Variants in RNASE3 observed in about 807,000 individuals in gnomAD.
The protein encoded by RNASE3 is ribonuclease A family member 3, also known as eosinophil cationic protein.
For synonymous variants in RNASE3, 66 were observed against 72.0 expected (o/e 0.92, Z 0.42); for missense variants, 192 against 205.3 (o/e 0.94, Z 0.40).
chr14:20,891,956 T>TC lies in RNASE3; in HGVS notation c.271dup (p.His91ProfsTer2), dbSNP rs1566402351. ...GTGGTAACCAAAGTATACGCTGCCCTCATAACAGAACTCTCAACAATTGTC... is the reference window on the plus strand; with the variant it reads ...GTGGTAACCAAAGTATACGCTGCCCTCCATAACAGAACTCTCAACAATTGTC... On this transcript the variant is annotated frameshift_variant, in exon 2 of 2. Transcript: ENST00000304639. LOFTEE classifies it low-confidence loss of function (END_TRUNC). 1 of 1,613,050 alleles carries TC rather than the reference T, an allele frequency of 6.2e-7. No homozygotes were observed. The highest frequency in any genetic ancestry group is 8.5e-7 in the Non-Finnish European group (1 of 1,180,038).
rs1372368245 is a variant in RNASE3, at chr14:20,891,694, C to T, written c.8C>T (p.Pro3Leu). The part of the protein sequence containing the change: MV[P>L]KLFTSQICLL... The stretch of plus-strand genomic sequence containing the variant: ...TCTTTTCTTACAGGAAACATGGTTC[C>T]AAAACTGTTCACTTCCCAAATTTGT... The change falls in exon 2 of 2, where the codon CCA (proline) becomes CTA (leucine). Residue 3 changes from proline to leucine, a missense_variant. Transcript: ENST00000304639. 1.2e-6 allele frequency: 2 copies of T among 1,610,096 alleles called. No homozygotes were observed. The highest frequency in any genetic ancestry group is 1.7e-6 in the Non-Finnish European group (2 of 1,179,396).
At position 20,892,104 on chromosome 14, in the gene RNASE3, A is replaced by T. The variant is rs761591198; in HGVS notation, c.418A>T (p.Asn140Tyr). The change falls in exon 2 of 2, where the codon AAC becomes TAC. Residue 140 changes from asparagine (N) to tyrosine (Y), a missense_variant. Physicochemically the swap from Asn to Tyr is moderately radical, Grantham distance 143 (BLOSUM62 -2). Transcript: ENST00000304639. Reference protein sequence around the residue: ...GRRFYVVACDNRDPRDSPRYP... With the variant: ...GRRFYVVACDYRDPRDSPRYP... ...GAGGTTCTATGTAGTTGCATGTGAC[A>T]ACAGAGATCCACGGGATTCTCCACG... 6.2e-7 allele frequency: 1 copy of T among 1,612,484 alleles called. No individual in the cohort carries two copies. Among genetic ancestry groups the T allele is most frequent in the Non-Finnish European group, 8.5e-7 (1 of 1,179,928 alleles).
At position 20,891,645 on chromosome 14, in the gene RNASE3, G is replaced by A. The variant is rs558397403; in HGVS notation, c.-5-37G>A. 157 of 1,579,180 alleles carry A rather than the reference G, an allele frequency of 9.9e-5. 1 individual carries two copies. Among genetic ancestry groups the A allele is most frequent in the Non-Finnish European group, 1.3e-4 (146 of 1,165,770 alleles). On this transcript the variant is annotated intron_variant, in intron 1 of 1. Coordinates refer to ENST00000304639, the MANE Select transcript of RNASE3 (RefSeq NM_002935.3). Reference sequence around the variant, plus strand: ...TATAGAGTGTGTCATAACCGAGACCGGATCGGGGAGTAGTTACTTCTCTTC... The same window carrying A: ...TATAGAGTGTGTCATAACCGAGACCAGATCGGGGAGTAGTTACTTCTCTTC...
Position 20,891,996 on chromosome 14 carries a change from C to T in RNASE3, c.310C>T (p.Arg104Trp), listed in dbSNP as rs768479364. The change falls in exon 2 of 2, where the codon CGG (arginine) becomes TGG (tryptophan). Residue 104 changes from arginine to tryptophan, a missense_variant. Physicochemically the swap from Arg to Trp is moderately radical, Grantham distance 101. Coordinates refer to ENST00000304639, the MANE Select transcript of RNASE3 (RefSeq NM_002935.3). ...CAACAATTGTCATCGGAGTAGATTC[C>T]GGGTGCCTTTACTCCACTGTGACCT... ...TLNNCHRSRF[R>W]VPLLHCDLIN... 2.4e-5 allele frequency: 39 copies of T among 1,612,784 alleles called. 2 individuals are homozygous for T. The East Asian group carries it at 3.8e-4, about 16-fold the overall frequency.
chr14:20,892,125 C>A lies in RNASE3; in HGVS notation c.439C>A (p.Pro147Thr). The change falls in exon 2 of 2, where the codon CCA becomes ACA. Residue 147 changes from proline (P) to threonine (T), a missense_variant. Pro to Thr is a conservative substitution (Grantham distance 38). Coordinates refer to ENST00000304639, the MANE Select transcript of RNASE3 (RefSeq NM_002935.3). ...ACDNRDPRDS[P>T]RYPVVPVHLD... ...TGACAACAGAGATCCACGGGATTCT[C>A]CACGGTATCCTGTGGTTCCAGTTCA... The A allele has an allele frequency of 1.2e-6, 2 of 1,612,440 alleles. No homozygotes were observed. The highest frequency in any genetic ancestry group is 1.7e-6 in the Non-Finnish European group (2 of 1,179,934).
Position 20,891,870 on chromosome 14 carries a change from T to C in RNASE3, c.184T>C (p.Trp62Arg), listed in dbSNP as rs369058042. 3 of 1,612,828 alleles carry C rather than the reference T, an allele frequency of 1.9e-6. No individual in the cohort carries two copies. The highest frequency in any genetic ancestry group is 2.7e-5 in the African/African-American group (2 of 73,742). ...IAMRAINNYR[W>R]RCKNQNTFLR... ...AATGCGGGCAATTAACAATTATCGA[T>C]GGCGTTGCAAAAACCAAAATACTTT... The change falls in exon 2 of 2, where the codon TGG (tryptophan) becomes CGG (arginine). Residue 62 changes from tryptophan to arginine, a missense_variant. By Grantham distance (101) the Trp-to-Arg change is moderately radical. Coordinates refer to ENST00000304639, the MANE Select transcript of RNASE3 (RefSeq NM_002935.3).
rs766754949 is a variant in RNASE3, at chr14:20,892,019, C to T, written c.333C>T (p.Asp111=). ...SRFRVPLLHC[D]LINPGAQNIS... ...TCCGGGTGCCTTTACTCCACTGTGA[C>T]CTCATAAATCCAGGTGCACAGAATA... is the stretch of plus-strand genomic sequence containing the variant. The change falls in exon 2 of 2, where the codon GAC becomes GAT. Residue 111 remains aspartate, a synonymous_variant. Transcript: ENST00000304639. 1 of 1,612,654 alleles carries T rather than the reference C, an allele frequency of 6.2e-7. No individual in the cohort carries two copies. The highest frequency in any genetic ancestry group is 8.5e-7 in the Non-Finnish European group (1 of 1,179,872).
rs182418195 is a variant in RNASE3, at chr14:20,892,198, C to T, written c.*29C>T. Reference sequence around the variant, plus strand: ...CCTGTATCAGCAGTCCTCATCATCACTCATCTGCCAAGCTCCTCAATCATA... The same window carrying T: ...CCTGTATCAGCAGTCCTCATCATCATTCATCTGCCAAGCTCCTCAATCATA... On this transcript the variant is annotated 3_prime_UTR_variant, in exon 2 of 2. Coordinates refer to ENST00000304639, the MANE Select transcript of RNASE3 (RefSeq NM_002935.3). The T allele has an allele frequency of 8.7e-5, 138 of 1,584,430 alleles. 1 individual carries two copies. The highest frequency in any genetic ancestry group is 1.1e-4 in the Non-Finnish European group (128 of 1,166,926).
At position 20,891,450 on chromosome 14, in the gene RNASE3, G is replaced by A. The variant is rs1227067129; in HGVS notation, c.-7G>A. 5 of 575,268 alleles carry A rather than the reference G, an allele frequency of 8.7e-6. 1 individual carries two copies. In the African/African-American group the frequency reaches 9.7e-5, roughly 11 times the overall value. 35.6% of individuals were successfully genotyped at this position (575,268 alleles called of 1,614,324 possible). On this transcript the variant is annotated splice_region_variant and 5_prime_UTR_variant, in exon 1 of 2. Coordinates refer to ENST00000304639, the MANE Select transcript of RNASE3 (RefSeq NM_002935.3). ...TCACAGGAGCCACAGCTCAGAGACT[G>A]GGTAAGTCAACAATCCCCAGAGCTG...
intron 1 of RNASE3, 84 bp downstream of exon 1, chr14:20,891,535 T>C: frequency 1.9e-6 from 2 of 1,069,428 alleles, no homozygotes; most frequent in Non-Finnish European, 2.7e-6. Context: ...AGTTAGTGCT[T>C]AGGAGATGTG....
rs759420664 is a variant in RNASE3 at position 20,892,220 on chromosome 14, C to G, written c.*51C>G. ...TCACTCATCTGCCAAGCTCCTCAATCATAGCCAAGATCCCATCCCTCCATG... is the reference window on the plus strand; with the variant it reads ...TCACTCATCTGCCAAGCTCCTCAATGATAGCCAAGATCCCATCCCTCCATG... On this transcript the variant is annotated 3_prime_UTR_variant, in exon 2 of 2. Transcript: ENST00000304639. The G allele has an allele frequency of 6.4e-7, 1 of 1,568,492 alleles. No individual in the cohort carries two copies. Among genetic ancestry groups the G allele is most frequent in the East Asian group, 2.2e-5 (1 of 44,672 alleles).
Position 20,891,828 on chromosome 14 carries a change from C to A in RNASE3, c.142C>A (p.Pro48Thr), listed in dbSNP as rs202232277. ...FAIQHISLNP[P>T]RCTIAMRAIN... is the part of the protein sequence containing the mutation. Reference sequence around the variant, plus strand: ...CATCCAGCACATCAGTCTGAACCCCCCTCGATGCACCATTGCAATGCGGGC... The same window carrying A: ...CATCCAGCACATCAGTCTGAACCCCACTCGATGCACCATTGCAATGCGGGC... Residue 48 changes from proline to threonine, a missense_variant, in exon 2 of 2, where the codon CCT (proline) becomes ACT (threonine). Transcript: ENST00000304639. The A allele has an allele frequency of 1.3e-5, 21 of 1,612,868 alleles. No homozygotes were observed. Among genetic ancestry groups the A allele is most frequent in the South Asian group, 8.8e-5 (8 of 91,066 alleles).
At position 20,891,695 on chromosome 14, in the gene RNASE3, A is replaced by G; in HGVS notation, c.9A>G (p.Pro3=). The G allele has an allele frequency of 6.2e-7, 1 of 1,610,504 alleles. No homozygotes were observed. Among genetic ancestry groups the G allele is most frequent in the Non-Finnish European group, 8.5e-7 (1 of 1,179,494 alleles). The change falls in exon 2 of 2, where the codon CCA becomes CCG. Residue 3 remains proline, a synonymous_variant. Coordinates refer to ENST00000304639, the MANE Select transcript of RNASE3 (RefSeq NM_002935.3). ...CTTTTCTTACAGGAAACATGGTTCC[A>G]AAACTGTTCACTTCCCAAATTTGTC... MV[P]KLFTSQICLL...
At chr14:20,891,486 G>A in intron 1 of RNASE3, 35 bp downstream of exon 1, 1 of 661,550 alleles carries the variant, frequency 1.5e-6, no homozygotes, top group South Asian at 2.0e-5. Flanking sequence ...GGACAGGAGG[G>A]GCAGCGACAG....
chr14:20,891,451 G>A lies in RNASE3; in HGVS notation c.-6G>A. On this transcript the variant is annotated splice_region_variant and 5_prime_UTR_variant, in exon 1 of 2. Transcript: ENST00000304639. ...CACAGGAGCCACAGCTCAGAGACTGGGTAAGTCAACAATCCCCAGAGCTGG... is the reference window on the plus strand; with the variant it reads ...CACAGGAGCCACAGCTCAGAGACTGAGTAAGTCAACAATCCCCAGAGCTGG... 1.7e-6 allele frequency: 1 copy of A among 577,290 alleles called. No homozygotes were observed. The highest frequency in any genetic ancestry group is 2.2e-5 in the South Asian group (1 of 45,482). 35.8% of individuals were successfully genotyped at this position (577,290 alleles called of 1,614,324 possible).
At position 20,892,098 on chromosome 14, in the gene RNASE3, T is replaced by A; in HGVS notation, c.412T>A (p.Cys138Ser). 1.2e-6 allele frequency: 2 copies of A among 1,612,570 alleles called. No homozygotes were observed. Among genetic ancestry groups the A allele is most frequent in the Non-Finnish European group, 1.7e-6 (2 of 1,179,964 alleles). Reference protein sequence around the residue: ...RPGRRFYVVACDNRDPRDSPR... With the variant: ...RPGRRFYVVASDNRDPRDSPR... The stretch of plus-strand genomic sequence containing the variant: ...AGGAAGGAGGTTCTATGTAGTTGCA[T>A]GTGACAACAGAGATCCACGGGATTC... Residue 138 changes from cysteine (C) to serine (S), a missense_variant, in exon 2 of 2, where the codon TGT (cysteine) becomes AGT (serine). Cys to Ser is a moderately radical substitution (Grantham distance 112). Coordinates refer to ENST00000304639, the MANE Select transcript of RNASE3 (RefSeq NM_002935.3).
chr14:20,891,752 G>A lies in RNASE3; in HGVS notation c.66G>A (p.Glu22=), dbSNP rs368925772. The A allele has an allele frequency of 1.1e-4, 176 of 1,612,562 alleles. No individual in the cohort carries two copies. The highest frequency in any genetic ancestry group is 3.3e-5 in the Admixed American group (2 of 59,958). ...LLLLLGLMGV[E]GSLHARPPQF... ...TTCTGTTGGGGCTTATGGGTGTGGA[G>A]GGCTCACTCCATGCCAGACCCCCAC... The change falls in exon 2 of 2, where the codon GAG becomes GAA. Residue 22 remains glutamate (E), a synonymous_variant. Coordinates refer to ENST00000304639, the MANE Select transcript of RNASE3 (RefSeq NM_002935.3).
In RNASE3 at chr14:20,892,090, T is replaced by C. The variant is rs760022580; in HGVS notation, c.404T>C (p.Val135Ala). ...GACAGACCAGGAAGGAGGTTCTATG[T>C]AGTTGCATGTGACAACAGAGATCCA... Reference protein sequence around the residue: ...YADRPGRRFYVVACDNRDPRD... With the variant: ...YADRPGRRFYAVACDNRDPRD... The change falls in exon 2 of 2, where the codon GTA becomes GCA. Residue 135 changes from valine (V) to alanine (A), a missense_variant. Val to Ala is a moderately conservative substitution (Grantham distance 64). Coordinates refer to ENST00000304639, the MANE Select transcript of RNASE3 (RefSeq NM_002935.3). The C allele has an allele frequency of 6.2e-7, 1 of 1,612,582 alleles. No individual in the cohort carries two copies. The highest frequency in any genetic ancestry group is 1.7e-5 in the Admixed American group (1 of 59,960).
In RNASE3 at chr14:20,891,899, T is replaced by C. The variant is rs779052723; in HGVS notation, c.213T>C (p.Leu71=). 5.6e-6 allele frequency: 9 copies of C among 1,612,958 alleles called. No homozygotes were observed. Among genetic ancestry groups the C allele is most frequent in the Non-Finnish European group, 7.6e-6 (9 of 1,180,022 alleles). The stretch of plus-strand genomic sequence containing the variant: ...GTTGCAAAAACCAAAATACTTTTCT[T>C]CGTACAACTTTTGCTAATGTAGTTA... ...RWRCKNQNTF[L]RTTFANVVNV... The change falls in exon 2 of 2, where the codon CTT becomes CTC. Residue 71 remains leucine, a synonymous_variant. Transcript: ENST00000304639.
Sources: gnomAD v4.1 joint callset for allele counts on GRCh38, gnomAD v4.1.1 for gene constraint, MANE v1.5 for transcripts, NCBI Gene and HGNC (gene_info 2026-07-23, HGNC 2026-07-21) for gene names.